The following PCDH7 variants were observed in gnomAD, a reference collection of about 807,000 sequenced individuals.
PCDH7 encodes protocadherin 7, also known as protocadherin-7.
In PCDH7, 17 loss-of-function variants were observed where a neutral mutation model predicts 58.9. The observed-to-expected ratio is 0.29, with a 90% CI of 0.20 to 0.43. PCDH7 has a LOEUF of 0.43. Ranked by LOEUF, PCDH7 falls within the 20% of genes least tolerant of loss-of-function variation. PCDH7 has a pLI of 1.00. For missense variants in PCDH7, 1,274 were observed against 1,441.0 expected, an observed-to-expected ratio of 0.88 and a Z score of 1.88; for synonymous variants, 664 against 616.4, an observed-to-expected ratio of 1.08 and a Z score of -1.14.
chr4:30,893,011 G>T (rs1738822164), intron 1 of PCDH7, among the ~76,000 whole-genome samples: 1 of 151,962 alleles, frequency 6.6e-6, no homozygotes, highest in Admixed American at 6.6e-5. Context: ...AGCTGCCTCT[G>T]CATCAAGTCT....
intron 3 of PCDH7, among the ~76,000 whole-genome samples, chr4:31,022,194 T>C (rs1458110419): frequency 6.6e-6 from 1 of 152,154 alleles, no homozygotes; most frequent in Non-Finnish European, 1.5e-5. Flanking sequence ...GAGAGTGCCC[T>C]TTGGGGATTA....
At chr4:30,876,329 CA>C (rs33992455) in intron 1 of PCDH7, among the ~76,000 whole-genome samples, 4,153 of 152,094 alleles carry the variant, frequency 0.027, 182 homozygotes, top group African/African-American at 0.092. Context: ...GCTTAACGTA[CA>C]TAAAATGTGA....
At chr4:31,000,652 T>C (rs1348168449) in intron 3 of PCDH7, among the ~76,000 whole-genome samples, 3 of 152,108 alleles carry the variant, frequency 2.0e-5, no homozygotes, top group Non-Finnish European at 2.9e-5. Flanking sequence ...CTCTTATTTT[T>C]TCCCTCTATT....
intron 1 of PCDH7, among the ~76,000 whole-genome samples, chr4:30,804,986 G>T (rs1725999698): frequency 6.6e-6 from 1 of 152,044 alleles, no homozygotes; most frequent in Non-Finnish European, 1.5e-5. Context: ...CCTTATTAAG[G>T]GCACAAGGTC....
At chr4:30,896,225 T>C (rs1739376412) in intron 1 of PCDH7, among the ~76,000 whole-genome samples, 1 of 152,208 alleles carries the variant, frequency 6.6e-6, no homozygotes, top group Non-Finnish European at 1.5e-5. Context: ...ATTTATAATT[T>C]AGTTACATAG....
chr4:30,997,975 TA>T (rs1354696649), intron 3 of PCDH7, among the ~76,000 whole-genome samples: 1 of 152,112 alleles, frequency 6.6e-6, no homozygotes, highest in Non-Finnish European at 1.5e-5. Context: ...TTAATTGAAT[TA>T]AATATAATGA....
rs76869440 is a variant in PCDH7 at position 30,907,138 on chromosome 4, C to G, written c.71-13015C>G. Among the ~76,000 whole-genome samples, 16 of 152,208 alleles carry G rather than the reference C, an allele frequency of 1.1e-4. No individual in the cohort carries two copies. In the East Asian group the frequency reaches 3.1e-3, roughly 29 times the overall value. On this transcript the variant is annotated intron_variant, in intron 1 of 3. Transcript: ENST00000509759. Reference sequence around the variant, plus strand: ...TTAAACCAAGATTCAAGCTGATGACCTGTCTATGGACTTCTCAGCAACTGT... The same window carrying G: ...TTAAACCAAGATTCAAGCTGATGACGTGTCTATGGACTTCTCAGCAACTGT...
intron 1 of PCDH7, among the ~76,000 whole-genome samples, chr4:30,829,819 A>C (rs1285634734): frequency 6.6e-6 from 1 of 152,070 alleles, no homozygotes; most frequent in Admixed American, 6.6e-5. Context: ...AGTTTGCTCT[A>C]AAATAGAAGG....
intron 1 of PCDH7, among the ~76,000 whole-genome samples, chr4:30,898,981 A>G (rs1334487118): frequency 6.6e-6 from 1 of 152,082 alleles, no homozygotes; most frequent in Non-Finnish European, 1.5e-5. Flanking sequence ...AGTGGATCTT[A>G]ACCAGCATTT....
At chr4:31,134,906 G>A (rs915381224) in intron 3 of PCDH7, among the ~76,000 whole-genome samples, 1 of 152,130 alleles carries the variant, frequency 6.6e-6, no homozygotes, top group Non-Finnish European at 1.5e-5. Flanking sequence ...GCTGAAAATA[G>A]CACAGTATCA....
chr4:30,842,685 AG>A (rs1209499901), intron 1 of PCDH7, among the ~76,000 whole-genome samples: 2 of 152,104 alleles, frequency 1.3e-5, no homozygotes, highest in Non-Finnish European at 2.9e-5. Context: ...CAGGTTGTGA[AG>A]GATCTGGAAC....
At chr4:31,083,339 A>T (rs964549184) in intron 3 of PCDH7, among the ~76,000 whole-genome samples, 2 of 152,302 alleles carry the variant, frequency 1.3e-5, no homozygotes, top group African/African-American at 4.8e-5. Context: ...GATATTGAGA[A>T]ATCATTACTC....
chr4:31,021,768 A>G (rs1435506994), intron 3 of PCDH7, among the ~76,000 whole-genome samples: 2 of 152,146 alleles, frequency 1.3e-5, no homozygotes, highest in African/African-American at 4.8e-5. Context: ...ATTTCAAGGA[A>G]GGTGAGTAAA....
intron 3 of PCDH7, among the ~76,000 whole-genome samples, chr4:31,028,818 A>G (rs1355062457): frequency 2.0e-5 from 3 of 152,218 alleles, no homozygotes; most frequent in African/African-American, 7.2e-5. Flanking sequence ...AGCTCATTCT[A>G]GAATAATTTG....
chr4:30,815,514 T>A (rs2109317089), intron 1 of PCDH7, among the ~76,000 whole-genome samples: 1 of 152,334 alleles, frequency 6.6e-6, no homozygotes, highest in East Asian at 1.9e-4. Context: ...TTGTATTTCT[T>A]TTCTCCTGAT....
At chr4:31,114,184 T>C (rs1716707322) in intron 3 of PCDH7, among the ~76,000 whole-genome samples, 1 of 152,132 alleles carries the variant, frequency 6.6e-6, no homozygotes, top group Non-Finnish European at 1.5e-5. Context: ...TATTATTCTA[T>C]CCTCATTTTT....
intron 3 of PCDH7, among the ~76,000 whole-genome samples, chr4:31,129,793 T>A (rs1177599939): frequency 6.6e-6 from 1 of 151,986 alleles, no homozygotes; most frequent in Non-Finnish European, 1.5e-5. Flanking sequence ...CACACCCAGA[T>A]AAATTTTGTA....
At chr4:30,819,481 A>G (rs961797639) in intron 1 of PCDH7, among the ~76,000 whole-genome samples, 3 of 152,188 alleles carry the variant, frequency 2.0e-5, no homozygotes, top group African/African-American at 7.2e-5. Flanking sequence ...TTTTGTGCTC[A>G]TACAAGAGTT....
chr4:30,864,798 G>T (rs1471141422), intron 1 of PCDH7, among the ~76,000 whole-genome samples: 2 of 152,050 alleles, frequency 1.3e-5, no homozygotes, highest in Non-Finnish European at 2.9e-5. Flanking sequence ...GTTCTCACAG[G>T]CTGGATTAGG....
Sources: allele counts gnomAD v4.1 joint callset (sites outside exome capture counted in the v4.1 genomes callset), GRCh38; gene constraint gnomAD v4.1.1; transcripts MANE v1.5; gene names NCBI Gene and HGNC (gene_info 2026-07-23, HGNC 2026-07-21).